Variants in TMEM117 observed in about 807,000 individuals in gnomAD.
TMEM117 encodes transmembrane protein 117.
In TMEM117, 27 loss-of-function variants were observed where a neutral mutation model predicts 52.4. The observed-to-expected ratio is 0.51, with a 90% CI of 0.38 to 0.71. The LOEUF is 0.71. Ranked by LOEUF, TMEM117 falls within the 30% of genes least tolerant of loss-of-function variation. The pLI, the probability that TMEM117 is intolerant of heterozygous loss-of-function variation, is 0.00. For missense variants in TMEM117, 556 were observed against 630.5 expected (o/e 0.88, Z 1.26); for synonymous variants, 215 against 206.3 (o/e 1.04, Z -0.36).
chr12:44,267,370 A>C (rs1281035712), intron 5 of TMEM117, among the ~76,000 whole-genome samples: 1 of 152,104 alleles, frequency 6.6e-6, no homozygotes, highest in Non-Finnish European at 1.5e-5. Flanking sequence ...TTAAGGTATG[A>C]TTGACATACA....
chr12:44,164,238 G>T (rs1948934974), intron 4 of TMEM117, among the ~76,000 whole-genome samples: 1 of 151,804 alleles, frequency 6.6e-6, no homozygotes, highest in Non-Finnish European at 1.5e-5. Context: ...ATAGTTTTTG[G>T]GGTAAAGTGG....
intron 3 of TMEM117, 48 bp from the exon 4 acceptor site, chr12:44,143,477 G>A (rs1948597756): frequency 2.1e-6 from 3 of 1,460,174 alleles, no homozygotes; most frequent in Non-Finnish European, 2.8e-6. Context: ...AGCCTTAACT[G>A]TATGACTCTC....
At chr12:43,796,432 T>C in the TMEM117 span, among the ~76,000 whole-genome samples, 13 of 152,276 alleles carry the variant, frequency 8.5e-5, no homozygotes, top group African/African-American at 3.1e-4. Flanking sequence ...GCCTTATCTG[T>C]ACTTAAGAAA....
At chr12:43,986,995 C>T (rs1200268750) in intron 3 of TMEM117, among the ~76,000 whole-genome samples, 1 of 152,132 alleles carries the variant, frequency 6.6e-6, no homozygotes, top group Non-Finnish European at 1.5e-5. Flanking sequence ...ATCATGTCCC[C>T]ATCTCCCAAA....
chr12:44,087,434 G>GTA (rs1565821985), intron 3 of TMEM117, among the ~76,000 whole-genome samples: 95 of 150,094 alleles, frequency 6.3e-4, no homozygotes, highest in Non-Finnish European at 1.0e-3. Flanking sequence ...CTTTCTATGT[G>GTA]TGTATGTATG....
chr12:43,854,485 GAGA>G (rs1280486455), intron 2 of TMEM117, among the ~76,000 whole-genome samples: 1 of 151,878 alleles, frequency 6.6e-6, no homozygotes, highest in African/African-American at 2.4e-5. Flanking sequence ...AATCTGGTTA[GAGA>G]AGAAGATAAT....
intron 6 of TMEM117, among the ~76,000 whole-genome samples, chr12:44,348,287 G>A (rs1234466705): frequency 1.3e-5 from 2 of 150,900 alleles, no homozygotes. Flanking sequence ...AAAAGAGAGA[G>A]CTATAGAGAA....
intron 3 of TMEM117, among the ~76,000 whole-genome samples, chr12:44,059,079 G>T (rs1947100052): frequency 6.6e-6 from 1 of 152,086 alleles, no homozygotes; most frequent in African/African-American, 2.4e-5. Flanking sequence ...TTCACAATGG[G>T]GTTCATGCTC....
chr12:43,960,838 A>G (rs1279518867), intron 3 of TMEM117, among the ~76,000 whole-genome samples: 1 of 152,220 alleles, frequency 6.6e-6, no homozygotes, highest in Non-Finnish European at 1.5e-5. Context: ...AATTAATGAT[A>G]TTAATAGTGA....
intron 6 of TMEM117, among the ~76,000 whole-genome samples, chr12:44,322,513 T>C (rs1951144731): frequency 6.6e-6 from 1 of 152,112 alleles, no homozygotes; most frequent in African/African-American, 2.4e-5. Flanking sequence ...AAAATTACTT[T>C]CATCTCTGCA....
intron 6 of TMEM117, among the ~76,000 whole-genome samples, chr12:44,367,561 T>C (rs528210688): frequency 6.6e-6 from 1 of 152,202 alleles, no homozygotes; most frequent in South Asian, 2.1e-4. Context: ...TGGCCTCTTT[T>C]CTTGGCTTTC....
At chr12:43,905,548 GACTCTTA>G (rs1316746758) in intron 2 of TMEM117, among the ~76,000 whole-genome samples, 2 of 151,928 alleles carry the variant, frequency 1.3e-5, no homozygotes, top group African/African-American at 4.8e-5. Flanking sequence ...TTTTCACATA[GACTCTTA>G]AAACCATAAT....
At chr12:43,853,264 G>A (rs899798206) in intron 2 of TMEM117, among the ~76,000 whole-genome samples, 1 of 152,022 alleles carries the variant, frequency 6.6e-6, no homozygotes, top group African/African-American at 2.4e-5. Flanking sequence ...TTTACATGTT[G>A]TCTTTGCCAG....
chr12:44,124,419 G>A (rs1176667747), intron 3 of TMEM117, among the ~76,000 whole-genome samples: 5 of 152,096 alleles, frequency 3.3e-5, no homozygotes, highest in Non-Finnish European at 7.4e-5. Context: ...GACTGCCCTG[G>A]CCAGAACATT....
At chr12:44,236,183 TATATAG>T (rs964760861) in intron 5 of TMEM117, among the ~76,000 whole-genome samples, 5 of 148,986 alleles carry the variant, frequency 3.4e-5, no homozygotes, top group African/African-American at 7.6e-5. Flanking sequence ...TATATATATA[TATATAG>T]AGAGAGAGAG....
At chr12:44,174,910 G>A (rs574834067) in intron 4 of TMEM117, among the ~76,000 whole-genome samples, 12 of 152,276 alleles carry the variant, frequency 7.9e-5, no homozygotes, top group Non-Finnish European at 4.4e-5. Context: ...AGAGGCAGTG[G>A]CAACGGGCAC....
intron 4 of TMEM117, among the ~76,000 whole-genome samples, chr12:44,152,847 TA>T (rs1240671548): frequency 6.9e-6 from 1 of 144,872 alleles, no homozygotes; most frequent in Non-Finnish European, 1.5e-5. Flanking sequence ...TTTATATAAA[TA>T]CAATATATAC....
intron 3 of TMEM117, among the ~76,000 whole-genome samples, chr12:44,025,350 G>A (rs1946516766): frequency 6.6e-6 from 1 of 152,130 alleles, no homozygotes; most frequent in African/African-American, 2.4e-5. Context: ...ATAAACTCCA[G>A]ATTTGCTTAA....
At chr12:44,384,801 G>A (rs776655231) in intron 7 of TMEM117, among the ~76,000 whole-genome samples, 3 of 152,028 alleles carry the variant, frequency 2.0e-5, no homozygotes, top group Non-Finnish European at 4.4e-5. Flanking sequence ...TATATTGTCT[G>A]GATTGAAGAA....
Sources: gnomAD v4.1 joint callset for allele counts (sites outside exome capture counted in the v4.1 genomes callset) on GRCh38, gnomAD v4.1.1 for gene constraint, MANE v1.5 for transcripts, NCBI Gene and HGNC (gene_info 2026-07-23, HGNC 2026-07-21) for gene names.